The following CAMTA1 variants were observed in gnomAD, a reference collection of about 807,000 sequenced individuals.
CAMTA1 encodes the protein calmodulin-binding transcription activator 1.
A neutral mutation model predicts 170.9 loss-of-function variants in CAMTA1; 27 were observed. The ratio of observed to expected loss-of-function variants is 0.16; its 90% CI spans 0.12 to 0.22. The LOEUF (loss-of-function observed/expected upper bound fraction) is 0.22. Ranked by LOEUF, CAMTA1 falls within the 10% of genes least tolerant of loss-of-function variation. The probability of loss-of-function intolerance (pLI) is 1.00; values close to 1 mark genes in which losing one functional copy is unlikely to be tolerated. For missense variants in CAMTA1, 1,619 were observed against 2,217.2 expected (o/e 0.73, Z 5.42); for synonymous variants, 833 against 891.5 (o/e 0.93, Z 1.17).
chr1:6,906,083 G>T (rs983194160), intron 3 of CAMTA1, among the ~76,000 whole-genome samples: 1 of 152,182 alleles, frequency 6.6e-6, no homozygotes, highest in South Asian at 2.1e-4. Flanking sequence ...AGTCACCCAC[G>T]GTCTTTTCTG....
At chr1:7,062,711 A>T (rs1349940081) in intron 3 of CAMTA1, among the ~76,000 whole-genome samples, 2 of 152,174 alleles carry the variant, frequency 1.3e-5, no homozygotes, top group African/African-American at 2.4e-5. Context: ...GGCTTTACCC[A>T]ACAGAAATGC....
rs1043788916 is a variant in CAMTA1, at chr1:7,426,254, C to T, written c.439-41576C>T. ...GTGCCCAGGGCCAGAGAGAGCTGCA[C>T]GGTCCGAAGCTCAGAGCATCCTCAC... On this transcript the variant is annotated intron_variant, in intron 5 of 22. Coordinates refer to ENST00000303635, the MANE Select transcript of CAMTA1 (RefSeq NM_015215.4). This position sits in a 1 kb window ranked among gnomAD's most constrained non-coding sequence, Gnocchi z 4.8. Among the ~76,000 whole-genome samples the T allele has an allele frequency of 1.7e-4, 26 of 151,484 alleles. No individual in the cohort carries two copies. Among genetic ancestry groups the T allele is most frequent in the African/African-American group, 4.9e-4 (20 of 40,804 alleles).
chr1:7,755,838 A>G (rs2096927724), intron 22 of CAMTA1, among the ~76,000 whole-genome samples, 170 bp downstream of exon 22: 1 of 152,230 alleles, frequency 6.6e-6, no homozygotes, highest in Non-Finnish European at 1.5e-5. Flanking sequence ...CTGCTATTTT[A>G]TATGACAGGA....
At chr1:7,043,378 T>A (rs1172388827) in intron 3 of CAMTA1, among the ~76,000 whole-genome samples, 1 of 136,726 alleles carries the variant, frequency 7.3e-6, no homozygotes, top group African/African-American at 2.8e-5. Flanking sequence ...TCTGTGTGTG[T>A]GTGTGTGCAC....
At chr1:7,593,695 TG>T (rs1199825281) in intron 6 of CAMTA1, among the ~76,000 whole-genome samples, 1 of 150,810 alleles carries the variant, frequency 6.6e-6, no homozygotes, top group Non-Finnish European at 1.5e-5. Flanking sequence ...TTCACCATGT[TG>T]GCCAGGCTAG....
intron 4 of CAMTA1, among the ~76,000 whole-genome samples, chr1:7,197,535 T>TGA (rs1655747141): frequency 6.6e-6 from 1 of 151,632 alleles, no homozygotes; most frequent in Non-Finnish European, 1.5e-5. Flanking sequence ...ACCAGGGGGA[T>TGA]GACTGTTCTC....
chr1:6,992,195 G>A (rs1218869381), intron 3 of CAMTA1, among the ~76,000 whole-genome samples: 1 of 151,866 alleles, frequency 6.6e-6, no homozygotes, highest in Non-Finnish European at 1.5e-5. Context: ...TCAGCCTCCC[G>A]AATAGCTGGA....
At chr1:7,274,586 C>T (rs1443527398) in intron 5 of CAMTA1, among the ~76,000 whole-genome samples, 8 of 152,070 alleles carry the variant, frequency 5.3e-5, no homozygotes, top group African/African-American at 9.7e-5. Context: ...TCAAACAACT[C>T]GATCTAATTG....
chr1:7,276,999 C>A (rs893814303), intron 5 of CAMTA1, among the ~76,000 whole-genome samples: 29 of 151,998 alleles, frequency 1.9e-4, no homozygotes, highest in African/African-American at 6.8e-4. Flanking sequence ...ATTTTAGGAT[C>A]AAATTAACAA....
At chr1:7,461,194 CT>C (rs1485459074) in intron 5 of CAMTA1, among the ~76,000 whole-genome samples, 1 of 152,208 alleles carries the variant, frequency 6.6e-6, no homozygotes, top group Non-Finnish European at 1.5e-5. Context: ...GGAATCTTCC[CT>C]GGTTGATTCA....
rs180910213 is a variant in CAMTA1, at chr1:7,378,780, G to A, written c.439-89050G>A. Among the ~76,000 whole-genome samples the A allele has an allele frequency of 1.1e-4, 17 of 152,206 alleles. No homozygotes were observed. The East Asian group carries it at 2.7e-3, about 24-fold the overall frequency. On this transcript the variant is annotated intron_variant, in intron 5 of 22. Transcript: ENST00000303635. Reference sequence around the variant, plus strand: ...ATTTTACTTCAATTAAAAAAAAATCGGAGACCGAGTCAGAGGCCGCACTAA... The same window carrying A: ...ATTTTACTTCAATTAAAAAAAAATCAGAGACCGAGTCAGAGGCCGCACTAA...
chr1:7,549,643 A>G (rs1045040708), intron 6 of CAMTA1, among the ~76,000 whole-genome samples: 1 of 152,206 alleles, frequency 6.6e-6, no homozygotes, highest in African/African-American at 2.4e-5. Flanking sequence ...CCCACTATCA[A>G]TCAGACAATG....
intron 7 of CAMTA1, among the ~76,000 whole-genome samples, chr1:7,646,942 T>G (rs1273300457): frequency 6.6e-6 from 1 of 152,220 alleles, no homozygotes; most frequent in Non-Finnish European, 1.5e-5. Context: ...GTGTCAGTCC[T>G]GCCAGCCTTC....
chr1:7,394,376 G>A (rs1293663806), intron 5 of CAMTA1, among the ~76,000 whole-genome samples: 1 of 152,066 alleles, frequency 6.6e-6, no homozygotes, highest in African/African-American at 2.4e-5. Context: ...TCTTTGATTA[G>A]CCATTCTAAT....
intron 3 of CAMTA1, among the ~76,000 whole-genome samples, chr1:7,083,005 A>G (rs896891233): frequency 1.3e-5 from 2 of 152,234 alleles, no homozygotes; most frequent in Non-Finnish European, 2.9e-5. Context: ...TAGGTGCTCA[A>G]TAATTCATCG....
chr1:7,410,670 C>T (rs1054767910), intron 5 of CAMTA1, among the ~76,000 whole-genome samples: 1 of 152,224 alleles, frequency 6.6e-6, no homozygotes, highest in Non-Finnish European at 1.5e-5. Flanking sequence ...GAACTCGTGA[C>T]CTGAGAGTCC....
intron 6 of CAMTA1, among the ~76,000 whole-genome samples, chr1:7,531,512 C>T (rs916772425): frequency 1.8e-4 from 27 of 152,282 alleles, no homozygotes; most frequent in African/African-American, 4.3e-4. Context: ...CCCCAGACTC[C>T]GGGAGAGGAA....
At chr1:7,421,267 C>T (rs533582851) in intron 5 of CAMTA1, among the ~76,000 whole-genome samples, 11 of 152,002 alleles carry the variant, frequency 7.2e-5, no homozygotes, top group Non-Finnish European at 1.3e-4. Context: ...ATTCTCCTGC[C>T]TCAGCCTCCC....
intron 5 of CAMTA1, among the ~76,000 whole-genome samples, chr1:7,356,093 A>G (rs2085090103): frequency 6.6e-6 from 1 of 152,256 alleles, no homozygotes; most frequent in Non-Finnish European, 1.5e-5. Context: ...CACTGTGGGC[A>G]GGATGATTGG....
Sources: allele counts gnomAD v4.1 joint callset (sites outside exome capture counted in the v4.1 genomes callset), GRCh38; gene constraint gnomAD v4.1.1; non-coding constraint Gnocchi (gnomAD v3.1); transcripts MANE v1.5; gene names NCBI Gene and HGNC (gene_info 2026-07-23, HGNC 2026-07-21).